The following EFS variants were observed in gnomAD, a reference collection of about 807,000 sequenced individuals.
The protein encoded by EFS is Cas scaffolding protein family member 3.
Under a neutral mutation model 42.2 loss-of-function variants are expected in EFS, and 34 were observed. The ratio of observed to expected loss-of-function variants is 0.81; its 90% confidence interval spans 0.61 to 1.07. EFS has a LOEUF of 1.07. Ranked by LOEUF, EFS falls within the 50% of genes least tolerant of loss-of-function variation. The pLI, the probability that EFS is intolerant of heterozygous loss-of-function variation, is 0.00. For synonymous variants in EFS, 299 were observed against 320.7 expected (o/e 0.93, Z 0.72); for missense variants, 717 against 729.4 (o/e 0.98, Z 0.20).
chr14:23,356,878 C>T lies in EFS; in HGVS notation c.*348G>A, dbSNP rs544555997. 291 of 188,452 alleles carry T rather than the reference C, an allele frequency of 1.5e-3. No individual in the cohort carries two copies. Among genetic ancestry groups the T allele is most frequent in the Admixed American group, 3.3e-3 (55 of 16,576 alleles). The allele number at this position is 188,452 out of a possible 1,614,324, so 11.7% of individuals were successfully genotyped here. The stretch of plus-strand genomic sequence containing the variant: ...CTATGTGGCCCCAGGTTTCTGCCAC[C>T]TGACTTTTCACAGCCAGTCTTCCAG... On this transcript the variant is annotated 3_prime_UTR_variant, in exon 6 of 6. Coordinates refer to ENST00000216733, the MANE Select transcript of EFS (RefSeq NM_005864.4).
In EFS at chr14:23,359,424, C is replaced by T; in HGVS notation, c.1054G>A (p.Val352Ile). 6.2e-7 allele frequency: 1 copy of T among 1,610,810 alleles called. No individual in the cohort carries two copies. Among genetic ancestry groups the T allele is most frequent in the Non-Finnish European group, 8.5e-7 (1 of 1,179,182 alleles). ...PRLPGYGGPKVEGDPEGREME... is the reference protein window; with the variant it reads ...PRLPGYGGPKIEGDPEGREME... Reference sequence around the variant, plus strand: ...TCCCTGCCCTCTGGATCCCCCTCGACCTTGGGGCCTCCATAACCAGGCAGG... The same window carrying T: ...TCCCTGCCCTCTGGATCCCCCTCGATCTTGGGGCCTCCATAACCAGGCAGG... The change falls in exon 4 of 6, where the codon GTC becomes ATC. Residue 352 changes from valine (V) to isoleucine (I), a missense_variant. Coordinates refer to ENST00000216733, the MANE Select transcript of EFS (RefSeq NM_005864.4).
chr14:23,357,058 G>T lies in EFS; in HGVS notation c.*168C>A. ...AAATGGCTTGTACAAAAAGCTGTAG[G>T]TTAGGGGGAGAAGACACCTCTGTGA... On this transcript the variant is annotated 3_prime_UTR_variant, in exon 6 of 6. Transcript: ENST00000216733. 1 of 507,976 alleles carries T rather than the reference G, an allele frequency of 2.0e-6. No homozygotes were observed. Among genetic ancestry groups the T allele is most frequent in the Non-Finnish European group, 3.3e-6 (1 of 304,544 alleles). The allele number at this position is 507,976 out of a possible 1,614,324, so 31.5% of individuals were successfully genotyped here. A position where few individuals can be genotyped will look rare whatever the true frequency, so the allele number is the denominator to read the frequency against.
Position 23,359,759 on chromosome 14 carries a change from A to G in EFS, c.719T>C (p.Leu240Pro). The stretch of plus-strand genomic sequence containing the variant: ...AGTGCCCCCGCCCTCCCCGTCTGCC[A>G]GCAGTTCCTCGGGTGCTTCATACAA... ...LNLYEAPEEL[L>P]ADGEGGGTDE... Residue 240 changes from leucine (L) to proline (P), a missense_variant, in exon 4 of 6, where the codon CTG becomes CCG. Coordinates refer to ENST00000216733, the MANE Select transcript of EFS (RefSeq NM_005864.4). 2.0e-6 allele frequency: 3 copies of G among 1,516,596 alleles called. No individual in the cohort carries two copies. The highest frequency in any genetic ancestry group is 2.6e-6 in the Non-Finnish European group (3 of 1,133,640). 93.9% of individuals were successfully genotyped at this position (1,516,596 alleles called of 1,614,324 possible).
rs1889961352 is a variant in EFS at position 23,357,482 on chromosome 14, A to T, written c.1430T>A (p.Val477Glu). Reference protein sequence around the residue: ...PRLFVPHSKRVVVAAHRLVFV... With the variant: ...PRLFVPHSKREVVAAHRLVFV... ...CACCAGGCGATGAGCAGCCACCACC[A>T]CCCTCTTGCTGTGGGGCACGAAAAG... Residue 477 changes from valine to glutamate, a missense_variant, in exon 6 of 6, where the codon GTG becomes GAG. Coordinates refer to ENST00000216733, the MANE Select transcript of EFS (RefSeq NM_005864.4). The T allele has an allele frequency of 3.1e-6, 5 of 1,613,864 alleles. No individual in the cohort carries two copies. Among genetic ancestry groups the T allele is most frequent in the Non-Finnish European group, 4.2e-6 (5 of 1,179,984 alleles).
At chr14:23,362,211 T>G (rs75213552) in intron 1 of EFS, among the ~76,000 whole-genome samples, 1 of 152,222 alleles carries the variant, frequency 6.6e-6, no homozygotes. Context: ...AGCTTCAGTT[T>G]TGATTGCTAA....
chr14:23,361,056 C>T (rs1182795962), intron 1 of EFS, among the ~76,000 whole-genome samples: 4 of 152,170 alleles, frequency 2.6e-5, no homozygotes, highest in African/African-American at 4.8e-5. Flanking sequence ...TCAGAGAGGC[C>T]GATTCTTTAC....
Position 23,357,378 on chromosome 14 carries a change from C to T in EFS, c.1534G>A (p.Gly512Ser). Residue 512 changes from glycine (G) to serine (S), a missense_variant, in exon 6 of 6, where the codon GGC (glycine) becomes AGC (serine). Coordinates refer to ENST00000216733, the MANE Select transcript of EFS (RefSeq NM_005864.4). ...AGCACAGTGGCCCGCAATGCCTGGC[C>T]CAGTGCTGTACCTGCAGCCCTGACC... Reference protein sequence around the residue: ...AQVRAAGTALGQALRATVLAV... With the variant: ...AQVRAAGTALSQALRATVLAV... 1 of 1,610,546 alleles carries T rather than the reference C, an allele frequency of 6.2e-7. No homozygotes were observed. The highest frequency in any genetic ancestry group is 8.5e-7 in the Non-Finnish European group (1 of 1,177,590).
At chr14:23,363,658 C>T (rs142666902) in intron 1 of EFS, among the ~76,000 whole-genome samples, 1 of 152,278 alleles carries the variant, frequency 6.6e-6, no homozygotes, top group Non-Finnish European at 1.5e-5. Context: ...GAATTTGGGG[C>T]CAGGTGCGGT....
chr14:23,360,107 C>G, intron 3 of EFS, 34 bp downstream of exon 3: 1 of 1,614,128 alleles, frequency 6.2e-7, no homozygotes, highest in Non-Finnish European at 8.5e-7. Context: ...CATTTGTCTC[C>G]CACCCAACAT....
At position 23,357,101 on chromosome 14, in the gene EFS, A is replaced by C; in HGVS notation, c.*125T>G. Reference sequence around the variant, plus strand: ...CTCTGTGAGAGGTTGAGATGAGCAGAAAGGGCAGGAAAGGGGAAAGATACC... The same window carrying C: ...CTCTGTGAGAGGTTGAGATGAGCAGCAAGGGCAGGAAAGGGGAAAGATACC... On this transcript the variant is annotated 3_prime_UTR_variant, in exon 6 of 6. Transcript: ENST00000216733. The C allele has an allele frequency of 1.1e-6, 1 of 905,588 alleles. No homozygotes were observed. The highest frequency in any genetic ancestry group is 1.6e-6 in the Non-Finnish European group (1 of 631,160). The allele number at this position is 905,588 out of a possible 1,614,324, so 56.1% of individuals were successfully genotyped here. A position where few individuals can be genotyped will look rare whatever the true frequency, so the allele number is the denominator to read the frequency against.
rs2231804 is a variant in EFS at position 23,360,011 on chromosome 14, C to T, written c.467G>A (p.Arg156Gln). The change falls in exon 4 of 6, where the codon CGG becomes CAG. Residue 156 changes from arginine to glutamine, a missense_variant. Physicochemically the swap from Arg to Gln is conservative, Grantham distance 43. Coordinates refer to ENST00000216733, the MANE Select transcript of EFS (RefSeq NM_005864.4). Reference protein sequence around the residue: ...EVYDVPPTALRVPSSGPYDCP... With the variant: ...EVYDVPPTALQVPSSGPYDCP... Reference sequence around the variant, plus strand: ...GTCATAGGGGCCACTGGAGGGCACCCGGAGGGCGGTGGGGGGCACATCGTA... The same window carrying T: ...GTCATAGGGGCCACTGGAGGGCACCTGGAGGGCGGTGGGGGGCACATCGTA... The T allele has an allele frequency of 2.2e-3, 3,489 of 1,605,514 alleles. 40 individuals are homozygous for T. The African/African-American group carries it at 0.027, about 12-fold the overall frequency.
chr14:23,362,726 T>C (rs1265093963), intron 1 of EFS, among the ~76,000 whole-genome samples: 1 of 152,186 alleles, frequency 6.6e-6, no homozygotes, highest in Non-Finnish European at 1.5e-5. Flanking sequence ...CTTGGCTGTG[T>C]CTCTTTCTTT....
chr14:23,358,892 C>G lies in EFS; in HGVS notation c.1235G>C (p.Gly412Ala), dbSNP rs766455525. ...CTGDPELPERGMPAPQEALSP... is the reference protein window; with the variant it reads ...CTGDPELPERAMPAPQEALSP... ...CAGGGTCACCTGCGGCGCCGGCATC[C>G]CCCTCTCGGGCAGTTCAGGATCCCC... The change falls in exon 5 of 6, where the codon GGG becomes GCG. Residue 412 changes from glycine (G) to alanine (A), a missense_variant. Physicochemically the swap from Gly to Ala is moderately conservative, Grantham distance 60. Coordinates refer to ENST00000216733, the MANE Select transcript of EFS (RefSeq NM_005864.4). 6.2e-7 allele frequency: 1 copy of G among 1,612,374 alleles called. No individual in the cohort carries two copies. Among genetic ancestry groups the G allele is most frequent in the Non-Finnish European group, 8.5e-7 (1 of 1,179,266 alleles).
At chr14:23,363,370 C>T (rs986521301) in intron 1 of EFS, among the ~76,000 whole-genome samples, 27 of 152,164 alleles carry the variant, frequency 1.8e-4, no homozygotes, top group Non-Finnish European at 3.2e-4. Context: ...TGAGATAACG[C>T]ATAAAGAAAC....
rs879698239 is a variant in EFS, at chr14:23,358,287, AGC to A, written c.1251+587_1251+588del. Among the ~76,000 whole-genome samples, 145 of 152,384 alleles carry A rather than the reference AGC, an allele frequency of 9.5e-4. No homozygotes were observed. In the Middle Eastern group the frequency reaches 0.02, roughly 21 times the overall value. On this transcript the variant is annotated intron_variant, in intron 5 of 5. Transcript: ENST00000216733. ...TTGAGATAATATACAGAAAGGGCTT[AGC>A]AAAGTGCATTTCACACTGTGAGCAC... is the stretch of plus-strand genomic sequence containing the variant.
rs1890193661 is a variant in EFS, at chr14:23,362,741, AT to A, written c.19-1909del. ...CTTGGCTGTGTCTCTTTCTTTTAAA[AT>A]TTTATTTAAAATATTTCTTTAGAGA... On this transcript the variant is annotated intron_variant, in intron 1 of 5. Transcript: ENST00000216733. Among the ~76,000 whole-genome samples, 5 of 152,248 alleles carry A rather than the reference AT, an allele frequency of 3.3e-5. No individual in the cohort carries two copies. In the South Asian group the frequency reaches 1.0e-3, roughly 32 times the overall value.
Position 23,357,109 on chromosome 14 carries a change from G to C in EFS, c.*117C>G. ...GAGGTTGAGATGAGCAGAAAGGGCA[G>C]GAAAGGGGAAAGATACCCCCATTTC... On this transcript the variant is annotated 3_prime_UTR_variant, in exon 6 of 6. Coordinates refer to ENST00000216733, the MANE Select transcript of EFS (RefSeq NM_005864.4). 1 of 1,013,102 alleles carries C rather than the reference G, an allele frequency of 9.9e-7. No homozygotes were observed. Among genetic ancestry groups the C allele is most frequent in the Non-Finnish European group, 1.4e-6 (1 of 719,614 alleles). The allele number at this position is 1,013,102 out of a possible 1,614,324, so 62.8% of individuals were successfully genotyped here.
chr14:23,363,933 CA>C (rs142088064), intron 1 of EFS, among the ~76,000 whole-genome samples: 7,972 of 116,518 alleles, frequency 0.068, 236 homozygotes, highest in South Asian at 0.17. Context: ...GACCTTGTCT[CA>C]AAAAAAAAAA....
At chr14:23,361,197 G>A (rs1349393121) in intron 1 of EFS, among the ~76,000 whole-genome samples, 2 of 152,124 alleles carry the variant, frequency 1.3e-5, no homozygotes, top group Admixed American at 1.3e-4. Context: ...ACATAGGAAC[G>A]GCTATATTTC....
Sources: gnomAD v4.1 joint callset for allele counts (sites outside exome capture counted in the v4.1 genomes callset) on GRCh38, gnomAD v4.1.1 for gene constraint, MANE v1.5 for transcripts, NCBI Gene and HGNC (gene_info 2026-07-23, HGNC 2026-07-21) for gene names.